PRR16: variants seen among roughly 807,000 people sequenced by gnomAD.
PRR16 encodes the protein proline rich 16, also known as protein Largen.
A neutral mutation model predicts 18.2 loss-of-function variants in PRR16; 6 were observed. The observed-to-expected ratio is 0.33, with a 90% CI of 0.18 to 0.65. PRR16 has a LOEUF of 0.65. Among genes scored for constraint, PRR16 ranks in the 30% least tolerant of loss-of-function variants. PRR16 has a pLI of 0.74. For missense variants in PRR16, 412 were observed against 376.6 expected (o/e 1.09, Z -0.78); for synonymous variants, 151 against 147.8 (o/e 1.02, Z -0.16).
the PRR16 span, among the ~76,000 whole-genome samples, chr5:120,794,278 G>T: frequency 6.6e-6 from 1 of 152,044 alleles, no homozygotes; most frequent in Non-Finnish European, 1.5e-5. Flanking sequence ...ATATTATTGT[G>T]CTTTGCTTTG....
intron 1 of PRR16, among the ~76,000 whole-genome samples, chr5:120,616,341 A>C (rs1754509973): frequency 6.6e-6 from 1 of 152,196 alleles, no homozygotes; most frequent in Non-Finnish European, 1.5e-5. Flanking sequence ...AATTGAGTGC[A>C]GCCTCACAGG....
chr5:120,731,976 C>A, the PRR16 span, among the ~76,000 whole-genome samples: 1 of 152,136 alleles, frequency 6.6e-6, no homozygotes, highest in African/African-American at 2.4e-5. Context: ...CCCTAGGGGG[C>A]TACAAATGGG....
At chr5:120,770,762 A>T in the PRR16 span, among the ~76,000 whole-genome samples, 1 of 151,968 alleles carries the variant, frequency 6.6e-6, no homozygotes, top group Non-Finnish European at 1.5e-5. Context: ...TATCGCACAC[A>T]CTGTTTTCAC....
intron 1 of PRR16, among the ~76,000 whole-genome samples, chr5:120,650,907 A>T (rs1450464088): frequency 6.6e-6 from 1 of 152,024 alleles, no homozygotes; most frequent in Non-Finnish European, 1.5e-5. Flanking sequence ...CGCCACACTG[A>T]CTTCCACAAT....
At chr5:120,500,087 T>C (rs1750396467) in intron 1 of PRR16, among the ~76,000 whole-genome samples, 2 of 152,198 alleles carry the variant, frequency 1.3e-5, no homozygotes, top group Non-Finnish European at 2.9e-5. Context: ...TCTTGAGGGT[T>C]AGACTCTAGC....
chr5:120,607,952 C>G (rs556649652), intron 1 of PRR16, among the ~76,000 whole-genome samples: 1 of 151,992 alleles, frequency 6.6e-6, no homozygotes. Flanking sequence ...TCTTTTATAT[C>G]TTTGAATCAC....
intron 1 of PRR16, among the ~76,000 whole-genome samples, chr5:120,541,234 C>T (rs551917358): frequency 3.6e-4 from 55 of 152,300 alleles, no homozygotes; most frequent in African/African-American, 1.3e-3. Flanking sequence ...GCAACCTCTG[C>T]CTCCAGGTTC....
In PRR16 at chr5:120,686,937, T is replaced by C. The variant is rs1159817817; in HGVS notation, c.*228T>C. The C allele has an allele frequency of 2.0e-5, 7 of 349,920 alleles. No homozygotes were observed. The highest frequency in any genetic ancestry group is 3.0e-5 in the Non-Finnish European group (6 of 197,602). The allele number at this position is 349,920 out of a possible 1,614,324, so 21.7% of individuals were successfully genotyped here. A position where few individuals can be genotyped will look rare whatever the true frequency, so the allele number is the denominator to read the frequency against. ...ACCTCAGAATGATGAAAAATATGAA[T>C]GATGCATTGTTTTTGCAATTGACCT... On this transcript the variant is annotated 3_prime_UTR_variant, in exon 2 of 2. Transcript: ENST00000407149.
the PRR16 span, among the ~76,000 whole-genome samples, chr5:120,753,893 A>T: frequency 1.6e-5 from 2 of 126,064 alleles, no homozygotes; most frequent in Non-Finnish European, 3.2e-5. Context: ...TATTATATAT[A>T]ATATATATTT....
At chr5:120,764,828 C>G in the PRR16 span, among the ~76,000 whole-genome samples, 4 of 152,052 alleles carry the variant, frequency 2.6e-5, no homozygotes, top group Admixed American at 1.3e-4. Flanking sequence ...TTAGCACTTT[C>G]TGCCACCCAC....
the PRR16 span, among the ~76,000 whole-genome samples, chr5:120,769,378 T>G: frequency 2.6e-5 from 4 of 151,764 alleles, no homozygotes; most frequent in East Asian, 7.7e-4. Context: ...CAACATGAGA[T>G]CTACCCTCTT....
intron 1 of PRR16, among the ~76,000 whole-genome samples, chr5:120,521,071 T>C (rs1257194867): frequency 1.3e-5 from 2 of 152,150 alleles, no homozygotes; most frequent in Non-Finnish European, 2.9e-5. Context: ...TCAATTCTAG[T>C]GGAATCTCTA....
At chr5:120,755,467 G>A in the PRR16 span, among the ~76,000 whole-genome samples, 1 of 152,028 alleles carries the variant, frequency 6.6e-6, no homozygotes, top group Admixed American at 6.6e-5. Flanking sequence ...TCCGAATTAT[G>A]TGAGAACATG....
chr5:120,737,259 A>T, the PRR16 span, among the ~76,000 whole-genome samples: 2 of 125,920 alleles, frequency 1.6e-5, no homozygotes, highest in South Asian at 2.6e-4. Flanking sequence ...TTTTACATAT[A>T]TGGCTTTAGT....
chr5:120,631,548 G>A (rs1056168624), intron 1 of PRR16, among the ~76,000 whole-genome samples: 2 of 152,104 alleles, frequency 1.3e-5, no homozygotes, highest in African/African-American at 4.8e-5. Flanking sequence ...GGATGAGGCT[G>A]GTGACTGCTG....
At chr5:120,611,554 G>A (rs750626367) in intron 1 of PRR16, among the ~76,000 whole-genome samples, 41 of 152,346 alleles carry the variant, frequency 2.7e-4, no homozygotes, top group Non-Finnish European at 4.7e-4. Flanking sequence ...CCAATGTAAA[G>A]CTCAAACTGT....
chr5:120,692,855 T>G, the PRR16 span, among the ~76,000 whole-genome samples: 1 of 152,314 alleles, frequency 6.6e-6, no homozygotes, highest in East Asian at 1.9e-4. Context: ...TATTACAACT[T>G]TTAACAACCA....
intron 1 of PRR16, among the ~76,000 whole-genome samples, chr5:120,495,967 G>T (rs1750232008): frequency 1.3e-5 from 2 of 151,854 alleles, no homozygotes; most frequent in South Asian, 4.1e-4. Flanking sequence ...TAGATGCTCT[G>T]TGTCAACTTA....
At chr5:120,720,364 C>T in the PRR16 span, among the ~76,000 whole-genome samples, 1 of 151,980 alleles carries the variant, frequency 6.6e-6, no homozygotes, top group Non-Finnish European at 1.5e-5. Context: ...TGACCCATTA[C>T]CATCTTCTTC....
Sources: gnomAD v4.1 joint callset for allele counts (sites outside exome capture counted in the v4.1 genomes callset) on GRCh38, gnomAD v4.1.1 for gene constraint, MANE v1.5 for transcripts, NCBI Gene and HGNC (gene_info 2026-07-23, HGNC 2026-07-21) for gene names.